The following SCO2 variants were observed in gnomAD, a reference collection of about 807,000 sequenced individuals.
The protein encoded by SCO2 is cytochrome c oxidase assembly factor SCO2.
For missense variants in SCO2, 429 were observed against 348.7 expected, an observed-to-expected ratio of 1.23 and a Z score of -1.83; for synonymous variants, 195 against 148.6, an observed-to-expected ratio of 1.31 and a Z score of -2.27.
intron 1 of SCO2, among the ~76,000 whole-genome samples, chr22:50,525,046 C>T (rs565834527): frequency 2.0e-5 from 3 of 152,360 alleles, no homozygotes; most frequent in Non-Finnish European, 4.4e-5. Context: ...ACAGCCGACG[C>T]CCTGCCTTTG....
At chr22:50,524,723 A>G (rs1249280464) in intron 1 of SCO2, 2 of 601,336 alleles carry the variant, frequency 3.3e-6, no homozygotes, top group Non-Finnish European at 6.4e-6. Flanking sequence ...TTCCAAGTGC[A>G]TGCCTTGCCT....
intron 1 of SCO2, 106 bp downstream of exon 1, chr22:50,525,366 G>A (rs2069299729): frequency 3.5e-6 from 1 of 282,074 alleles, no homozygotes; most frequent in Non-Finnish European, 6.8e-6. Flanking sequence ...GCGCGCCCTG[G>A]GGTGTGCCCC....
upstream of SCO2, chr22:50,526,059 C>G: frequency 6.7e-7 from 1 of 1,482,380 alleles, no homozygotes; most frequent in Non-Finnish European, 8.9e-7. Context: ...CCAGGCGGAG[C>G]GGCTCCCCAG....
chr22:50,524,690 G>C (rs1405671060), intron 1 of SCO2: 8 of 665,128 alleles, frequency 1.2e-5, no homozygotes, highest in Non-Finnish European at 2.0e-5. Context: ...TCAGCAAGGT[G>C]AACCTCTTGC....
chr22:50,526,173 CGGGAAGGGGCGGGGCCTCGGGAA>C, upstream of SCO2: 1 of 1,466,716 alleles, frequency 6.8e-7, no homozygotes, highest in East Asian at 2.8e-5. Flanking sequence ...GGCGCGGGCT[CGGGAAGGGGCGGGGCCTCGGGAA>C]GGGAAGGGGA....
At chr22:50,525,904 G>A, upstream of SCO2, 2 of 1,546,906 alleles carry the variant, frequency 1.3e-6, no homozygotes, top group Non-Finnish European at 1.7e-6. Context: ...CGGTGCACGC[G>A]GAGCCAGGGG....
In SCO2 at chr22:50,525,560, A is replaced by C; in HGVS notation, c.-102T>G. On this transcript the variant is annotated 5_prime_UTR_variant, in exon 1 of 2. Transcript: ENST00000395693. Reference sequence around the variant, plus strand: ...GCGCTCTGCCCCGCCGGCTCAGGGAAAGCGGGCGCCACACGCTCACAGGCA... The same window carrying C: ...GCGCTCTGCCCCGCCGGCTCAGGGACAGCGGGCGCCACACGCTCACAGGCA... 2 of 701,818 alleles carry C rather than the reference A, an allele frequency of 2.8e-6. No individual in the cohort carries two copies. The highest frequency in any genetic ancestry group is 4.6e-6 in the Non-Finnish European group (2 of 430,132). 43.5% of individuals were successfully genotyped at this position (701,818 alleles called of 1,614,324 possible).
chr22:50,525,815 G>A (rs1159355069), upstream of SCO2: 4 of 1,610,338 alleles, frequency 2.5e-6, no homozygotes, highest in African/African-American at 4.0e-5. Context: ...GCGAGGGGGC[G>A]GCGAATGGCG....
In SCO2 at chr22:50,525,575, G is replaced by T; in HGVS notation, c.-117C>A. Reference sequence around the variant, plus strand: ...GGCTCAGGGAAAGCGGGCGCCACACGCTCACAGGCAGGGCGCAGGCGTCCC... The same window carrying T: ...GGCTCAGGGAAAGCGGGCGCCACACTCTCACAGGCAGGGCGCAGGCGTCCC... On this transcript the variant is annotated 5_prime_UTR_variant, in exon 1 of 2. Coordinates refer to ENST00000395693, the MANE Select transcript of SCO2 (RefSeq NM_005138.3). 1.5e-5 allele frequency: 12 copies of T among 798,102 alleles called. No individual in the cohort carries two copies. The highest frequency in any genetic ancestry group is 3.4e-5 in the South Asian group (2 of 58,290). The allele number at this position is 798,102 out of a possible 1,614,324, so 49.4% of individuals were successfully genotyped here. A position where few individuals can be genotyped will look rare whatever the true frequency, so the allele number is the denominator to read the frequency against.
chr22:50,523,738 G>T lies in SCO2; in HGVS notation c.674C>A (p.Ser225Tyr), dbSNP rs80358232. 1 of 1,614,196 alleles carries T rather than the reference G, an allele frequency of 6.2e-7. No individual in the cohort carries two copies. Among genetic ancestry groups the T allele is most frequent in the Non-Finnish European group, 8.5e-7 (1 of 1,180,020 alleles). ...AGGGTTGAGCAGGTAGATGGCAATG[G>T]AGTGGTCCACGATGTAGTCCTGGTC... is the stretch of plus-strand genomic sequence containing the variant. ...DEDQDYIVDH[S>Y]IAIYLLNPDG... The change falls in exon 2 of 2, where the codon TCC (serine) becomes TAC (tyrosine). Residue 225 changes from serine to tyrosine, a missense_variant. Coordinates refer to ENST00000395693, the MANE Select transcript of SCO2 (RefSeq NM_005138.3).
chr22:50,523,711 T>C lies in SCO2; in HGVS notation c.701A>G (p.Asp234Gly). The change falls in exon 2 of 2, where the codon GAC (aspartate) becomes GGC (glycine). Residue 234 changes from aspartate to glycine, a missense_variant. Coordinates refer to ENST00000395693, the MANE Select transcript of SCO2 (RefSeq NM_005138.3). ...GCCGTAGTAATCCGTGAAGAGGCCG[T>C]CAGGGTTGAGCAGGTAGATGGCAAT... ...HSIAIYLLNP[D>G]GLFTDYYGRS... 1 of 1,614,120 alleles carries C rather than the reference T, an allele frequency of 6.2e-7. No homozygotes were observed. The highest frequency in any genetic ancestry group is 8.5e-7 in the Non-Finnish European group (1 of 1,180,006).
chr22:50,526,114 G>A, upstream of SCO2: 2 of 1,488,496 alleles, frequency 1.3e-6, no homozygotes, highest in African/African-American at 1.5e-5. Flanking sequence ...CAGCGCCAGC[G>A]GCAGCGCCCG....
chr22:50,526,231 T>C (rs1569522098), upstream of SCO2: 12 of 1,522,516 alleles, frequency 7.9e-6, no homozygotes, highest in Non-Finnish European at 1.0e-5. Context: ...GGACGGGGAC[T>C]CCCCCGACGC....
At chr22:50,526,152 A>AG (rs2148677222), upstream of SCO2, 1 of 1,471,328 alleles carries the variant, frequency 6.8e-7, no homozygotes, top group Non-Finnish European at 9.0e-7. Context: ...CTGCGGGGAG[A>AG]GGGGCTGAGA....
At chr22:50,526,141 C>T (rs1064792873), upstream of SCO2, 3 of 1,484,002 alleles carry the variant, frequency 2.0e-6, no homozygotes, top group Non-Finnish European at 2.7e-6. Context: ...CTCCACGGTG[C>T]CTGCGGGGAG....
chr22:50,525,284 G>C (rs931459553), intron 1 of SCO2, among the ~76,000 whole-genome samples, 188 bp downstream of exon 1: 2 of 152,154 alleles, frequency 1.3e-5, no homozygotes, highest in Non-Finnish European at 2.9e-5. Context: ...CGTTATAACT[G>C]TGCTTGGCCG....
intron 1 of SCO2, chr22:50,524,642 C>T (rs1238266324): frequency 1.4e-6 from 1 of 702,774 alleles, no homozygotes; most frequent in South Asian, 1.5e-5. Context: ...TACCTGGGAT[C>T]ACCAGCCTGT....
chr22:50,525,813 G>A, upstream of SCO2: 1 of 1,610,434 alleles, frequency 6.2e-7, no homozygotes, highest in South Asian at 1.1e-5. Context: ...GGGCGAGGGG[G>A]CGGCGAATGG....
chr22:50,525,681 A>G, upstream of SCO2: 2 of 1,539,546 alleles, frequency 1.3e-6, no homozygotes. Context: ...GCCGGGGGTC[A>G]CGTGTTCATC....
Sources: allele counts gnomAD v4.1 joint callset (sites outside exome capture counted in the v4.1 genomes callset), GRCh38; gene constraint gnomAD v4.1.1; transcripts MANE v1.5; gene names NCBI Gene and HGNC (gene_info 2026-07-23, HGNC 2026-07-21).